ADAM32: variants seen among roughly 807,000 people sequenced by gnomAD.
ADAM32 encodes disintegrin and metalloproteinase domain-containing protein 32.
ADAM32 carries 89 observed loss-of-function variants against 114.9 expected under a neutral mutation model. The ratio of observed to expected loss-of-function variants is 0.77; its 90% CI spans 0.65 to 0.92. The LOEUF is 0.92. Among genes scored for constraint, ADAM32 ranks in the 40% least tolerant of loss-of-function variants. ADAM32 has a pLI of 0.00. For synonymous variants in ADAM32, 285 were observed against 307.5 expected, an observed-to-expected ratio of 0.93 and a Z score of 0.77; for missense variants, 870 against 932.8, an observed-to-expected ratio of 0.93 and a Z score of 0.88.
chr8:39,129,068 T>G (rs902507644), intron 2 of ADAM32, among the ~76,000 whole-genome samples: 1 of 152,130 alleles, frequency 6.6e-6, no homozygotes, highest in African/African-American at 2.4e-5. Context: ...TTTTGTTTAT[T>G]AATCATGTGT....
chr8:39,175,389 A>C (rs771558377), intron 10 of ADAM32, among the ~76,000 whole-genome samples: 2 of 151,690 alleles, frequency 1.3e-5, no homozygotes, highest in African/African-American at 2.4e-5. Context: ...AGAGATTTTA[A>C]CATGAAAATT....
intron 11 of ADAM32, among the ~76,000 whole-genome samples, chr8:39,202,033 A>T (rs901817904): frequency 6.6e-6 from 1 of 152,272 alleles, no homozygotes; most frequent in East Asian, 1.9e-4. Context: ...GTTTGCCAGT[A>T]TTTTATTGAG....
intron 10 of ADAM32, among the ~76,000 whole-genome samples, chr8:39,179,584 T>G (rs1468945565): frequency 1.3e-5 from 2 of 152,144 alleles, no homozygotes; most frequent in Non-Finnish European, 2.9e-5. Flanking sequence ...TGACATGGGC[T>G]CATGAGGGGA....
rs915859780 is a variant in ADAM32, at chr8:39,281,072, G to A, written c.2280-64G>A. 5.1e-5 allele frequency: 41 copies of A among 804,954 alleles called. No individual in the cohort carries two copies. The African/African-American group carries it at 5.2e-4, about 10-fold the overall frequency. The allele number at this position is 804,954 out of a possible 1,614,324, so 49.9% of individuals were successfully genotyped here. Reference sequence around the variant, plus strand: ...GCTGGGATTACAGGCATGAGCCACCGCGCCTGGCCAATTTATTTTTAATAA... The same window carrying A: ...GCTGGGATTACAGGCATGAGCCACCACGCCTGGCCAATTTATTTTTAATAA... On this transcript the variant is annotated intron_variant, in intron 22 of 24. Transcript: ENST00000379907.
chr8:39,136,319 G>A (rs1802800632), intron 2 of ADAM32, among the ~76,000 whole-genome samples: 1 of 152,174 alleles, frequency 6.6e-6, no homozygotes, highest in Admixed American at 6.6e-5. Flanking sequence ...CACTGATGTA[G>A]AATATCCTCT....
At position 39,160,938 on chromosome 8, in the gene ADAM32, A is replaced by G. The variant is rs762785311; in HGVS notation, c.567A>G (p.Glu189=). The change falls in exon 7 of 25, where the codon GAA becomes GAG. Residue 189 remains glutamate (E), a synonymous_variant. Coordinates refer to ENST00000379907, the MANE Select transcript of ADAM32 (RefSeq NM_145004.7). ...AVPDLFPLYL[E]MHIVVDKTLY... ...CAGATTTATTTCCTCTTTATCTAGA[A>G]ATGCATATTGTGGTGGACAAAACTT... 1.3e-6 allele frequency: 2 copies of G among 1,600,002 alleles called. No individual in the cohort carries two copies. The highest frequency in any genetic ancestry group is 1.7e-6 in the Non-Finnish European group (2 of 1,173,562).
At chr8:39,182,164 T>C (rs773493390) in intron 10 of ADAM32, among the ~76,000 whole-genome samples, 35 of 152,200 alleles carry the variant, frequency 2.3e-4, no homozygotes, top group Non-Finnish European at 4.7e-4. Flanking sequence ...AGGCATACAC[T>C]AAATTTTTTA....
At position 39,223,159 on chromosome 8, in the gene ADAM32, A is replaced by C. The variant is rs752453345; in HGVS notation, c.1446A>C (p.Ser482=). 4 of 1,600,784 alleles carry C rather than the reference A, an allele frequency of 2.5e-6. No individual in the cohort carries two copies. Among genetic ancestry groups the C allele is most frequent in the Admixed American group, 3.5e-5 (2 of 57,816 alleles). ...ACATAACTTTAATCAATGGACTTTC[A>C]TGCAAAAATAATAAGTTTATTTGTT... ...GPDITLINGL[S]CKNNKFICYD... is the part of the protein sequence containing the mutation. The change falls in exon 14 of 25, where the codon TCA becomes TCC. Residue 482 remains serine (S), a synonymous_variant. Coordinates refer to ENST00000379907, the MANE Select transcript of ADAM32 (RefSeq NM_145004.7).
intron 4 of ADAM32, among the ~76,000 whole-genome samples, chr8:39,147,406 T>C (rs1395148789): frequency 6.6e-6 from 1 of 151,930 alleles, no homozygotes; most frequent in Non-Finnish European, 1.5e-5. Context: ...ACATAGTCAC[T>C]ATTTTTTAAT....
At chr8:39,262,180 A>G (rs528028084) in intron 19 of ADAM32, among the ~76,000 whole-genome samples, 1 of 148,782 alleles carries the variant, frequency 6.7e-6, no homozygotes, top group Admixed American at 6.7e-5. Flanking sequence ...TGAATTTTAT[A>G]TGTAGGACTT....
intron 9 of ADAM32, chr8:39,166,337 T>C (rs1038095772): frequency 6.6e-6 from 1 of 152,222 alleles, no homozygotes; most frequent in African/African-American, 2.4e-5. Context: ...AATAATAGTC[T>C]CCAATCTCAT....
intron 19 of ADAM32, among the ~76,000 whole-genome samples, chr8:39,267,454 G>A (rs1285601285): frequency 6.6e-6 from 1 of 152,164 alleles, no homozygotes; most frequent in East Asian, 1.9e-4. Flanking sequence ...TCAGCTGTAT[G>A]AATATACCTT....
At chr8:39,185,265 CAAA>C (rs56073309) in intron 10 of ADAM32, among the ~76,000 whole-genome samples, 8 of 121,572 alleles carry the variant, frequency 6.6e-5, no homozygotes, top group Admixed American at 1.6e-4. Context: ...AACTCCATCT[CAAA>C]AAAAAAAAAA....
At chr8:39,233,688 G>A (rs7008316) in intron 15 of ADAM32, among the ~76,000 whole-genome samples, 12,922 of 152,086 alleles carry the variant, frequency 0.085, 1,877 homozygotes, top group African/African-American at 0.29. Flanking sequence ...TTGTTCAAAT[G>A]CCTCTGATAG....
intron 23 of ADAM32, 72 bp from the exon 24 acceptor site, chr8:39,283,514 C>G (rs1337211277): frequency 3.4e-6 from 4 of 1,188,454 alleles, no homozygotes; most frequent in African/African-American, 1.7e-5. Flanking sequence ...ATTGCCATAA[C>G]AAATAAATAC....
chr8:39,171,360 T>C (rs753775992), intron 10 of ADAM32, among the ~76,000 whole-genome samples: 17 of 152,338 alleles, frequency 1.1e-4, no homozygotes, highest in African/African-American at 3.1e-4. Context: ...AAATGGTATA[T>C]GTTTGAGGTT....
intron 12 of ADAM32, among the ~76,000 whole-genome samples, chr8:39,215,940 CTTTATTGAT>C (rs1352908487): frequency 6.6e-6 from 1 of 151,762 alleles, no homozygotes; most frequent in African/African-American, 2.4e-5. Context: ...TTTGATGTTT[CTTTATTGAT>C]TTTATTGATT....
chr8:39,231,411 G>A (rs1202645879), intron 14 of ADAM32, among the ~76,000 whole-genome samples: 2 of 152,078 alleles, frequency 1.3e-5, no homozygotes, highest in African/African-American at 4.8e-5. Flanking sequence ...GCCCCAGCCA[G>A]TATTTTGATC....
Position 39,216,302 on chromosome 8 carries a change from GTATT to G in ADAM32, c.1233+4983_1233+4986del, listed in dbSNP as rs1309724508. 7.9e-5 allele frequency among the ~76,000 whole-genome samples: 12 copies of G among 152,028 alleles called. No homozygotes were observed. The East Asian group carries it at 2.3e-3, about 29-fold the overall frequency. On this transcript the variant is annotated intron_variant, in intron 12 of 24. Transcript: ENST00000379907. ...CTGTGTATGCCTTTATAGGTGAAGT[GTATT>G]TATTGTAAGCAACAGATCATTAATT...
Sources: gnomAD v4.1 joint callset for allele counts (sites outside exome capture counted in the v4.1 genomes callset) on GRCh38, gnomAD v4.1.1 for gene constraint, MANE v1.5 for transcripts, NCBI Gene and HGNC (gene_info 2026-07-23, HGNC 2026-07-21) for gene names.